C12orf42: variants seen among roughly 807,000 people sequenced by gnomAD.
C12orf42 encodes the protein chromosome 12 open reading frame 42, also known as uncharacterized protein C12orf42.
In C12orf42, 25 loss-of-function variants were observed where a neutral mutation model predicts 21.6. That is an observed-to-expected ratio of 1.16 (90% confidence interval 0.84 to 1.62). The LOEUF (loss-of-function observed/expected upper bound fraction) is 1.62, where lower values mean the gene tolerates loss of function less well. Ranked by LOEUF, C12orf42 falls within the 40% of genes most tolerant of loss-of-function variation. The pLI is 0.00. For missense variants in C12orf42, 483 were observed against 459.3 expected, an observed-to-expected ratio of 1.05 and a Z score of -0.47; for synonymous variants, 174 against 175.0, an observed-to-expected ratio of 0.99 and a Z score of 0.05.
chr12:103,444,063 G>GT (rs756782015), intron 2 of C12orf42, among the ~76,000 whole-genome samples: 2 of 151,598 alleles, frequency 1.3e-5, no homozygotes, highest in Non-Finnish European at 2.9e-5. Flanking sequence ...TTATTTTATT[G>GT]TTTTTTACAA....
chr12:103,145,998 C>T, the C12orf42 span, among the ~76,000 whole-genome samples: 3 of 151,630 alleles, frequency 2.0e-5, no homozygotes, highest in Middle Eastern at 3.4e-3. Context: ...GGGAGAAAAC[C>T]ATCTGGGAGG....
At chr12:103,307,910 C>T (rs1384430961) in intron 4 of C12orf42, among the ~76,000 whole-genome samples, 1 of 152,134 alleles carries the variant, frequency 6.6e-6, no homozygotes, top group Non-Finnish European at 1.5e-5. Flanking sequence ...CAAGCCAATT[C>T]TTTTTGAGAT....
At chr12:103,281,240 G>A (rs1266537298) in intron 4 of C12orf42, among the ~76,000 whole-genome samples, 4 of 152,158 alleles carry the variant, frequency 2.6e-5, no homozygotes, top group Admixed American at 6.6e-5. Flanking sequence ...GAGGTAAAAC[G>A]AAGATTCCAA....
the C12orf42 span, among the ~76,000 whole-genome samples, chr12:103,103,826 G>C: frequency 1.3e-5 from 2 of 149,360 alleles, no homozygotes; most frequent in Non-Finnish European, 3.0e-5. Context: ...TTTTCAGACG[G>C]AGTCTCGCTC....
the C12orf42 span, among the ~76,000 whole-genome samples, chr12:103,129,130 C>T: frequency 6.6e-5 from 10 of 152,250 alleles, no homozygotes; most frequent in South Asian, 1.0e-3. Context: ...ACTGTGACTG[C>T]ATGCTATATT....
At chr12:103,494,813 T>G (rs1955408063) in intron 1 of C12orf42, among the ~76,000 whole-genome samples, 1 of 151,934 alleles carries the variant, frequency 6.6e-6, no homozygotes, top group Non-Finnish European at 1.5e-5. Flanking sequence ...CAGCGGTGAA[T>G]AGGGTAAAGA....
chr12:103,470,430 T>A lies in C12orf42; in HGVS notation c.78+7919A>T, dbSNP rs146073445. Among the ~76,000 whole-genome samples, 842 of 152,208 alleles carry A rather than the reference T, an allele frequency of 5.5e-3. 9 individuals carry two copies. The highest frequency in any genetic ancestry group is 0.02 in the African/African-American group (813 of 41,526). ...TGACTCCTCGTGGTCTCTACCCGAG[T>A]TGTCTGTGATTCATTCATGGTGAGA... On this transcript the variant is annotated intron_variant, in intron 2 of 5. Transcript: ENST00000548883.
In C12orf42 at chr12:103,302,428, G is replaced by T. The variant is rs754760083; in HGVS notation, c.763C>A (p.Gln255Lys). Residue 255 changes from glutamine (Q) to lysine (K), a missense_variant, in exon 6 of 6, where the codon CAG becomes AAG. Physicochemically the swap from Gln to Lys is moderately conservative, Grantham distance 53. Transcript: ENST00000548883. ...EERMAVPAGA[Q>K]AHPDDIQSRL... The stretch of plus-strand genomic sequence containing the variant: ...CTTTGGATGTCGTCGGGGTGTGCCT[G>T]AGCGCCTGCTGGGACTGCCATCCTC... 1 of 1,613,900 alleles carries T rather than the reference G, an allele frequency of 6.2e-7. No homozygotes were observed. Among genetic ancestry groups the T allele is most frequent in the African/African-American group, 1.3e-5 (1 of 75,030 alleles).
At chr12:103,540,891 T>TTTTATTTC in the C12orf42 span, among the ~76,000 whole-genome samples, 3 of 152,092 alleles carry the variant, frequency 2.0e-5, no homozygotes, top group Non-Finnish European at 4.4e-5. Context: ...ATTGAATGAA[T>TTTTATTTC]TTTCTTTCTT....
chr12:103,496,957 A>T (rs961760453), upstream of C12orf42, among the ~76,000 whole-genome samples: 3 of 152,230 alleles, frequency 2.0e-5, no homozygotes, highest in African/African-American at 7.2e-5. Context: ...TTCTTTAAAA[A>T]AAAAAGTAAG....
chr12:103,477,759 G>T (rs757590586), intron 2 of C12orf42, among the ~76,000 whole-genome samples: 3 of 152,164 alleles, frequency 2.0e-5, no homozygotes, highest in Non-Finnish European at 4.4e-5. Context: ...AGAAAGGAAT[G>T]AAACCTTGCC....
At position 103,259,352 on chromosome 12, in the gene C12orf42, C is replaced by G. The variant is rs536189659; in HGVS notation, c.*1366+3974G>C. Among the ~76,000 whole-genome samples the G allele has an allele frequency of 5.3e-5, 8 of 152,260 alleles. No individual in the cohort carries two copies. The South Asian group carries it at 1.7e-3, about 32-fold the overall frequency. ...GGAATGCAATGATGCAATCTTGGCT[C>G]ACTGCAACTTCTGCCTCCCTGGTTG... On this transcript the variant is annotated intron_variant and NMD_transcript_variant, in intron 10 of 10. Coordinates refer to the C12orf42 transcript ENST00000547347.
In C12orf42 at chr12:103,302,385, G is replaced by C; in HGVS notation, c.806C>G (p.Ser269Cys). The change falls in exon 6 of 6, where the codon TCC becomes TGC. Residue 269 changes from serine to cysteine, a missense_variant. Coordinates refer to ENST00000548883, the MANE Select transcript of C12orf42 (RefSeq NM_198521.5). ...DDIQSRLLGA[S>C]GNPVGKGAVA... ...CGCGCCTTTTCCGACGGGATTTCCG[G>C]ACGCGCCCAGGAGTCTGCTTTGGAT... 6.2e-7 allele frequency: 1 copy of C among 1,613,926 alleles called. No individual in the cohort carries two copies. Among genetic ancestry groups the C allele is most frequent in the South Asian group, 1.1e-5 (1 of 91,080 alleles).
At chr12:103,201,862 T>C in the C12orf42 span, among the ~76,000 whole-genome samples, 55,790 of 152,110 alleles carry the variant, frequency 0.37, 10,937 homozygotes, top group South Asian at 0.45. Context: ...ATCACTCGTT[T>C]GCTTTTTGTT....
chr12:103,259,672 C>A (rs941139798), intron 10 of C12orf42, among the ~76,000 whole-genome samples: 3 of 152,188 alleles, frequency 2.0e-5, no homozygotes, highest in Non-Finnish European at 4.4e-5. Flanking sequence ...CTTGGCATAG[C>A]AGGTGGGAAA....
chr12:103,086,235 C>T, the C12orf42 span, among the ~76,000 whole-genome samples: 9 of 151,912 alleles, frequency 5.9e-5, no homozygotes, highest in Non-Finnish European at 1.0e-4. Flanking sequence ...TGTTAGGCAC[C>T]AAAGAGTTAC....
At chr12:103,551,151 T>C in the C12orf42 span, among the ~76,000 whole-genome samples, 2 of 152,132 alleles carry the variant, frequency 1.3e-5, no homozygotes, top group Admixed American at 1.3e-4. Flanking sequence ...ATCAATCCCT[T>C]GCTTGTTTCT....
the C12orf42 span, among the ~76,000 whole-genome samples, chr12:103,192,524 C>G: frequency 7.0e-6 from 1 of 142,842 alleles, no homozygotes; most frequent in Admixed American, 6.9e-5. Context: ...AAAAAGAATA[C>G]ACATAGGCTG....
the C12orf42 span, among the ~76,000 whole-genome samples, chr12:103,551,006 C>T: frequency 1.6e-4 from 24 of 151,870 alleles, no homozygotes; most frequent in Admixed American, 7.9e-4. Context: ...TATTTATGTA[C>T]AATTTGTTCT....
Sources: gnomAD v4.1 joint callset for allele counts (sites outside exome capture counted in the v4.1 genomes callset) on GRCh38, gnomAD v4.1.1 for gene constraint, MANE v1.5 for transcripts, NCBI Gene and HGNC (gene_info 2026-07-23, HGNC 2026-07-21) for gene names.